The following HUWE1 variants were observed in gnomAD, a reference collection of about 807,000 sequenced individuals.
HUWE1 encodes the protein E3 ubiquitin-protein ligase HUWE1.
A neutral mutation model predicts 299.4 loss-of-function variants in HUWE1; 18 were observed. The observed-to-expected ratio is 0.06, with a 90% CI of 0.04 to 0.09. The LOEUF (loss-of-function observed/expected upper bound fraction) is 0.09. Among genes scored for constraint, HUWE1 ranks in the 10% least tolerant of loss-of-function variants. HUWE1 has a pLI of 1.00. For missense variants in HUWE1, 1,832 were observed against 3,462.3 expected (o/e 0.53, Z 11.82); for synonymous variants, 1,317 against 1,286.1 (o/e 1.02, Z -0.51).
chrX:53,536,179 T>C lies in HUWE1; in HGVS notation c.12499A>G (p.Thr4167Ala), dbSNP rs2146867886. Reference protein sequence around the residue: ...LVYLLENDVSTLGYDLTFSTE... With the variant: ...LVYLLENDVSALGYDLTFSTE... Reference sequence around the variant, plus strand: ...CTGAAGGTGAGGTCATAGCCTAGTGTGGAGACATCATTTTCCAGCAGATAA... The same window carrying C: ...CTGAAGGTGAGGTCATAGCCTAGTGCGGAGACATCATTTTCCAGCAGATAA... The change falls in exon 80 of 84, where the codon ACA (threonine) becomes GCA (alanine). Residue 4167 changes from threonine to alanine, a missense_variant. Around this residue, in one of 15 missense-constraint regions of HUWE1, gnomAD observed 129 missense variants for 439.4 expected, o/e 0.29. Coordinates refer to ENST00000262854, the MANE Select transcript of HUWE1 (RefSeq NM_031407.7). 1 of 1,203,348 alleles carries C rather than the reference T, an allele frequency of 8.3e-7. No homozygotes were observed. Among genetic ancestry groups the C allele is most frequent in the Non-Finnish European group, 1.1e-6 (1 of 888,083 alleles).
intron 31 of HUWE1, 46 bp downstream of exon 31, chrX:53,594,453 A>T (rs1180191339): frequency 8.4e-7 from 1 of 1,195,115 alleles, no homozygotes; most frequent in East Asian, 3.0e-5. Context: ...CACAGCAAAG[A>T]TCAAACTCCA....
At chrX:53,570,295 T>A (rs1179998422) in intron 47 of HUWE1, among the ~76,000 whole-genome samples, 1 of 112,211 alleles carries the variant, frequency 8.9e-6, no homozygotes, top group East Asian at 2.8e-4. Context: ...CTTAAAATAT[T>A]TTCACATGTG....
chrX:53,537,317 C>G lies in HUWE1; in HGVS notation c.12137+239G>C. 4 of 427,215 alleles carry G rather than the reference C, an allele frequency of 9.4e-6. No homozygotes were observed. In the Admixed American group the frequency reaches 1.6e-4, roughly 17 times the overall value. 35.2% of individuals were successfully genotyped at this position (427,215 alleles called of 1,213,427 possible). ...GCCAGCAGGTATATCCTTATAAACA[C>G]CAAAGACTTTCCTGTCTGTCTGGGA... On this transcript the variant is annotated intron_variant, in intron 78 of 83. Transcript: ENST00000262854.
intron 2 of HUWE1, among the ~76,000 whole-genome samples, 173 bp from the exon 3 acceptor site, chrX:53,680,359 G>C (rs1397794638): frequency 8.9e-6 from 1 of 111,942 alleles, no homozygotes; most frequent in Non-Finnish European, 1.9e-5. Context: ...AGTAACTGAG[G>C]AATTCAGAAC....
chrX:53,660,136 T>G lies in HUWE1; in HGVS notation c.-24-6005A>C, dbSNP rs188274810. The stretch of plus-strand genomic sequence containing the variant: ...ACTGACAGAAGGCTAGAGCTCCACG[T>G]GCAGAAAACTAAGAGGAACCAAGGA... On this transcript the variant is annotated intron_variant, in intron 3 of 83. Transcript: ENST00000262854. Among the ~76,000 whole-genome samples, 88 of 111,885 alleles carry G rather than the reference T, an allele frequency of 7.9e-4. 1 individual carries two copies. In the East Asian group the frequency reaches 0.019, roughly 24 times the overall value.
Position 53,627,474 on chromosome X carries a change from G to C in HUWE1, c.1425C>G (p.Ile475Met). 1 of 1,204,029 alleles carries C rather than the reference G, an allele frequency of 8.3e-7. No homozygotes were observed. The highest frequency in any genetic ancestry group is 1.1e-6 in the Non-Finnish European group (1 of 889,967). The part of the protein sequence containing the change: ...DLCRKECPFV[I>M]KPKIQRPNTT... ...TATTGGGTCTCTGGATCTTTGGCTT[G>C]ATCACAAACGGACATTCTTTTCGGC... Residue 475 changes from isoleucine (I) to methionine (M), a missense_variant, in exon 17 of 84, where the codon ATC (isoleucine) becomes ATG (methionine). By Grantham distance (10) the Ile-to-Met change is conservative. This residue lies in a region of HUWE1 where 658 missense variants were observed against 1,282.6 expected (regional missense o/e 0.51). Transcript: ENST00000262854.
In HUWE1 at chrX:53,654,171, C is replaced by T. The variant is rs2068637100; in HGVS notation, c.-24-40G>A. The stretch of plus-strand genomic sequence containing the variant: ...TCCCAAAAGAAGTGAGAACTTAAAG[C>T]TACAATCTTGAGCTCTACAAGCTTG... On this transcript the variant is annotated intron_variant, in intron 3 of 83. Transcript: ENST00000262854. The T allele has an allele frequency of 1.7e-5, 14 of 827,712 alleles. No homozygotes were observed. In the South Asian group the frequency reaches 2.8e-4, roughly 17 times the overall value. The allele number at this position is 827,712 out of a possible 1,213,427, so 68.2% of individuals were successfully genotyped here. A position where few individuals can be genotyped will look rare whatever the true frequency, so the allele number is the denominator to read the frequency against.
At chrX:53,535,771 G>C (rs781816889) in intron 80 of HUWE1, among the ~76,000 whole-genome samples, 1 of 111,647 alleles carries the variant, frequency 9.0e-6, no homozygotes, top group African/African-American at 3.3e-5. Context: ...AAAGGGAAAA[G>C]GGAATGGCTA....
chrX:53,578,855 G>A (rs2063398533), intron 43 of HUWE1, among the ~76,000 whole-genome samples: 1 of 80,903 alleles, frequency 1.2e-5, no homozygotes, highest in Admixed American at 1.2e-4. Flanking sequence ...GGAGGGAGGT[G>A]GGGGGTCAGC....
rs782633218 is a variant in HUWE1, at chrX:53,537,688, C to T, written c.12005G>A (p.Arg4002His). Residue 4002 changes from arginine to histidine, a missense_variant, in exon 78 of 84, where the codon CGC (arginine) becomes CAC (histidine). Around this residue, in one of 15 missense-constraint regions of HUWE1, gnomAD observed 129 missense variants for 439.4 expected, o/e 0.29. Transcript: ENST00000262854. ...LDFDVKRKYF[R>H]QELERLDEGL... ...CTCATCTAAACGCTCCAGCTCTTGG[C>T]GGAAATATCTTGGGAGGTAGAAAAG... is the stretch of plus-strand genomic sequence containing the variant. The T allele has an allele frequency of 1.7e-6, 2 of 1,207,988 alleles. No individual in the cohort carries two copies. Among genetic ancestry groups the T allele is most frequent in the Non-Finnish European group, 2.2e-6 (2 of 893,486 alleles).
intron 36 of HUWE1, among the ~76,000 whole-genome samples, chrX:53,589,200 G>A (rs1290293802): frequency 8.9e-6 from 1 of 112,032 alleles, no homozygotes; most frequent in African/African-American, 3.2e-5. Flanking sequence ...CAGGTCACAA[G>A]TATTCATCAG....
chrX:53,629,607 T>C lies in HUWE1; in HGVS notation c.872A>G (p.Asn291Ser), dbSNP rs1557021016. ...ACTGTTTGCTGATTCCTGCAAGGCA[T>C]TGGAATACACTGCAAAAGGAGAAAC... is the stretch of plus-strand genomic sequence containing the variant. ...LHAISILVYS[N>S]ALQESANSIL... The change falls in exon 13 of 84, where the codon AAT (asparagine) becomes AGT (serine). Residue 291 changes from asparagine to serine, a missense_variant. Asn to Ser is a conservative substitution (Grantham distance 46). Around this residue, in one of 15 missense-constraint regions of HUWE1, gnomAD observed 658 missense variants for 1,282.6 expected, o/e 0.51. Coordinates refer to ENST00000262854, the MANE Select transcript of HUWE1 (RefSeq NM_031407.7). 8.5e-7 allele frequency: 1 copy of C among 1,175,820 alleles called. No individual in the cohort carries two copies. Among genetic ancestry groups the C allele is most frequent in the Non-Finnish European group, 1.2e-6 (1 of 862,953 alleles).
At chrX:53,552,569 A>G in intron 62 of HUWE1, 69 bp downstream of exon 62, 1 of 1,204,397 alleles carries the variant, frequency 8.3e-7, no homozygotes, top group South Asian at 1.8e-5. Context: ...CCATTAGTTG[A>G]CGAGTATGAA....
At chrX:53,596,479 C>T (rs782383594) in intron 29 of HUWE1, among the ~76,000 whole-genome samples, 6 of 112,160 alleles carry the variant, frequency 5.3e-5, no homozygotes, top group East Asian at 2.8e-4. Flanking sequence ...CACTTATACA[C>T]GGTGCCATTT....
chrX:53,542,855 G>A (rs2061403673), intron 73 of HUWE1: 1 of 156,322 alleles, frequency 6.4e-6, no homozygotes. Context: ...TTGTGTGTGT[G>A]TGTGTGTGTG....
chrX:53,548,445 A>AT (rs1351550821), intron 67 of HUWE1, among the ~76,000 whole-genome samples, 172 bp from the exon 68 acceptor site: 1 of 112,858 alleles, frequency 8.9e-6, no homozygotes, highest in Non-Finnish European at 1.9e-5. Flanking sequence ...GCCTAGAGAA[A>AT]TGAATGAGGG....
rs1047233939 is a variant in HUWE1, at chrX:53,584,239, G to A, written c.5108C>T (p.Thr1703Met). ...ATCCATTTCTTTGCTTTCTTCCAGC[G>A]TCTTCTCTAGTTCCTGTCCATTGCT... ...KNSNGQELEK[T>M]LEESKEMDIK... The change falls in exon 41 of 84, where the codon ACG (threonine) becomes ATG (methionine). Residue 1703 changes from threonine (T) to methionine (M), a missense_variant. By Grantham distance (81) the Thr-to-Met change is moderately conservative. Transcript: ENST00000262854. 18 of 1,204,074 alleles carry A rather than the reference G, an allele frequency of 1.5e-5. No individual in the cohort carries two copies. The highest frequency in any genetic ancestry group is 3.5e-5 in the African/African-American group (2 of 56,838).
intron 4 of HUWE1, among the ~76,000 whole-genome samples, chrX:53,650,659 C>G (rs1178705474): frequency 8.9e-6 from 1 of 111,841 alleles, no homozygotes; most frequent in Non-Finnish European, 1.9e-5. Context: ...CAATAGATAC[C>G]AAATCTGGGG....
At position 53,591,135 on chromosome X, in the gene HUWE1, T is replaced by A. The variant is rs782284050; in HGVS notation, c.3973-13A>T. Reference sequence around the variant, plus strand: ...CCATGTCCATGAGCTACATAAAGAATGCAAGGGCTCAGAATCACATAACGG... The same window carrying A: ...CCATGTCCATGAGCTACATAAAGAAAGCAAGGGCTCAGAATCACATAACGG... On this transcript the variant is annotated splice_polypyrimidine_tract_variant and intron_variant, in intron 33 of 83. Coordinates refer to ENST00000262854, the MANE Select transcript of HUWE1 (RefSeq NM_031407.7). 1.8e-5 allele frequency: 22 copies of A among 1,206,191 alleles called. No individual in the cohort carries two copies. The highest frequency in any genetic ancestry group is 2.5e-5 in the Non-Finnish European group (22 of 893,047).
Sources: gnomAD v4.1 joint callset for allele counts (sites outside exome capture counted in the v4.1 genomes callset) on GRCh38, gnomAD v4.1.1 for gene constraint, gnomAD v4.1.1 regional missense constraint, MANE v1.5 for transcripts, NCBI Gene and HGNC (gene_info 2026-07-23, HGNC 2026-07-21) for gene names.